The following JPH3 variants were observed in gnomAD, a reference collection of about 807,000 sequenced individuals.
The protein encoded by JPH3 is junctophilin 3, also known as junctophilin-3.
JPH3 carries 11 observed loss-of-function variants against 59.6 expected under a neutral mutation model. That is an observed-to-expected ratio of 0.18 (90% confidence interval 0.12 to 0.31). The LOEUF is 0.31. JPH3 is among the 10% of genes least tolerant of loss of function. The pLI is 1.00. For synonymous variants in JPH3, 673 were observed against 483.6 expected, an observed-to-expected ratio of 1.39 and a Z score of -5.14; for missense variants, 1,202 against 1,105.7, an observed-to-expected ratio of 1.09 and a Z score of -1.24.
chr16:87,673,688 G>A (rs921984485), intron 2 of JPH3, among the ~76,000 whole-genome samples: 1 of 152,182 alleles, frequency 6.6e-6, no homozygotes, highest in Non-Finnish European at 1.5e-5. Flanking sequence ...TACTTTGGGA[G>A]GCTGAGGCGA....
At chr16:87,653,493 G>A (rs941760992) in intron 2 of JPH3, 3 of 152,198 alleles carry the variant, frequency 2.0e-5, no homozygotes, top group Non-Finnish European at 4.4e-5. Context: ...AGTTGCCTGG[G>A]ACACTCTAGT....
At chr16:87,690,898 C>T (rs2033552756) in intron 4 of JPH3, among the ~76,000 whole-genome samples, 2 of 152,236 alleles carry the variant, frequency 1.3e-5, no homozygotes, top group Non-Finnish European at 2.9e-5. Context: ...GCTTGAGTGT[C>T]CTGTGTCCTG....
chr16:87,619,510 G>A (rs934945394), intron 1 of JPH3, among the ~76,000 whole-genome samples: 1 of 152,166 alleles, frequency 6.6e-6, no homozygotes, highest in Non-Finnish European at 1.5e-5. Flanking sequence ...AGAGTACCAG[G>A]CACAGTGCCA....
chr16:87,687,260 C>T (rs1597291551), intron 3 of JPH3, among the ~76,000 whole-genome samples: 1 of 152,300 alleles, frequency 6.6e-6, no homozygotes, highest in East Asian at 1.9e-4. Flanking sequence ...GATGACAGAA[C>T]AGAGCCTCCA....
At chr16:87,684,867 G>A (rs922406302) in intron 3 of JPH3, among the ~76,000 whole-genome samples, 10 of 152,062 alleles carry the variant, frequency 6.6e-5, no homozygotes, top group Non-Finnish European at 1.5e-5. Flanking sequence ...TGACAGTGGC[G>A]GGGGCGTGGA....
At chr16:87,604,873 T>G in intron 1 of JPH3, 1 of 400,356 alleles carries the variant, frequency 2.5e-6, no homozygotes, top group Non-Finnish European at 5.0e-6. Flanking sequence ...CGGCCTTTTC[T>G]GTGCCGTTGT....
chr16:87,671,555 T>G (rs2033015641), intron 2 of JPH3, among the ~76,000 whole-genome samples: 1 of 151,416 alleles, frequency 6.6e-6, no homozygotes, highest in Admixed American at 6.6e-5. Flanking sequence ...ATAGCAGGAG[T>G]CACCCACACA....
intron 2 of JPH3, among the ~76,000 whole-genome samples, chr16:87,682,077 G>C (rs933342265): frequency 1.3e-5 from 2 of 150,008 alleles, no homozygotes; most frequent in Admixed American, 1.3e-4. Context: ...CACAAGACAG[G>C]GGGTGTGCTC....
intron 2 of JPH3, among the ~76,000 whole-genome samples, chr16:87,664,815 C>T (rs1465989633): frequency 6.6e-6 from 1 of 152,060 alleles, no homozygotes; most frequent in Non-Finnish European, 1.5e-5. Context: ...GCCTGTGTGA[C>T]TTGCCCAGGG....
intron 3 of JPH3, among the ~76,000 whole-genome samples, chr16:87,686,115 C>T (rs1006474160): frequency 6.6e-6 from 1 of 152,234 alleles, no homozygotes; most frequent in Non-Finnish European, 1.5e-5. Flanking sequence ...ACTCCCGACA[C>T]CTGGATCACG....
At chr16:87,603,736 A>AC (rs2030362153) in intron 1 of JPH3, among the ~76,000 whole-genome samples, 1 of 152,126 alleles carries the variant, frequency 6.6e-6, no homozygotes. Context: ...GTGCCAGCTG[A>AC]AGGGTGTTGG....
chr16:87,689,397 G>T (rs1219649842), intron 3 of JPH3, among the ~76,000 whole-genome samples: 1 of 152,134 alleles, frequency 6.6e-6, no homozygotes, highest in Admixed American at 6.5e-5. Context: ...GCTGCTGTCC[G>T]CCCTTCCTGT....
intron 2 of JPH3, among the ~76,000 whole-genome samples, chr16:87,671,411 G>C (rs1244269571): frequency 6.6e-6 from 1 of 152,206 alleles, no homozygotes; most frequent in African/African-American, 2.4e-5. Flanking sequence ...ACAGCACCAG[G>C]CTCATGTGCC....
At chr16:87,604,460 C>G (rs2030430434) in intron 1 of JPH3, 2 of 1,372,926 alleles carry the variant, frequency 1.5e-6, no homozygotes, top group South Asian at 1.2e-5. Flanking sequence ...AGACCCCAAA[C>G]AAACTGGCTT....
chr16:87,692,288 G>A lies in JPH3; in HGVS notation c.2166+1762G>A, dbSNP rs575061781. ...GTGAGGGGAGATGGTGTGTAGAGGC[G>A]CGGTCAATCCTAAGCACTGTTCCAG... On this transcript the variant is annotated intron_variant, in intron 4 of 4. Transcript: ENST00000284262. Among the ~76,000 whole-genome samples the A allele has an allele frequency of 1.6e-4, 25 of 151,712 alleles. 1 individual carries two copies. In the South Asian group the frequency reaches 3.7e-3, roughly 23 times the overall value.
In JPH3 at chr16:87,686,674, C is replaced by T. The variant is rs531526546; in HGVS notation, c.1285+2408C>T. Reference sequence around the variant, plus strand: ...GGAGATGCTTCCCAGAGGGCTCAGTCCTGGAGTCAGAGATGCTTCCTGGAG... The same window carrying T: ...GGAGATGCTTCCCAGAGGGCTCAGTTCTGGAGTCAGAGATGCTTCCTGGAG... On this transcript the variant is annotated intron_variant, in intron 3 of 4. Transcript: ENST00000284262. 1.5e-4 allele frequency among the ~76,000 whole-genome samples: 22 copies of T among 149,630 alleles called. No homozygotes were observed. The South Asian group carries it at 4.5e-3, about 31-fold the overall frequency.
intron 1 of JPH3, among the ~76,000 whole-genome samples, chr16:87,626,217 G>A (rs1277305445): frequency 2.6e-5 from 4 of 152,164 alleles, no homozygotes; most frequent in African/African-American, 9.7e-5. Flanking sequence ...GCCCTGTGGG[G>A]TGGGAATCAT....
intron 1 of JPH3, among the ~76,000 whole-genome samples, chr16:87,629,832 A>G (rs963535283): frequency 1.1e-4 from 17 of 152,218 alleles, no homozygotes; most frequent in African/African-American, 2.9e-4. Context: ...GGCTCTGGTT[A>G]ATAATGTATC....
chr16:87,658,423 CCTCT>C (rs71389873), intron 2 of JPH3, among the ~76,000 whole-genome samples: 30,949 of 150,032 alleles, frequency 0.21, 3,364 homozygotes, highest in Middle Eastern at 0.25. Context: ...CCTCTCTTTT[CCTCT>C]CTATCTCCCT....
Sources: allele counts gnomAD v4.1 joint callset (sites outside exome capture counted in the v4.1 genomes callset), GRCh38; gene constraint gnomAD v4.1.1; transcripts MANE v1.5; gene names NCBI Gene and HGNC (gene_info 2026-07-23, HGNC 2026-07-21).